The following DNAH12 variants were observed in gnomAD, a reference collection of about 807,000 sequenced individuals.
The protein encoded by DNAH12 is dynein axonemal heavy chain 12, also known as axonemal beta dynein heavy chain 12.
Under a neutral mutation model 371.5 loss-of-function variants are expected in DNAH12, and 285 were observed. The ratio of observed to expected loss-of-function variants is 0.77; its 90% CI spans 0.70 to 0.85. The LOEUF (loss-of-function observed/expected upper bound fraction) is 0.85, where lower values mean the gene tolerates loss of function less well. Ranked by LOEUF, DNAH12 falls within the 40% of genes least tolerant of loss-of-function variation. The pLI is 0.00. For synonymous variants in DNAH12, 1,200 were observed against 1,213.0 expected (o/e 0.99, Z 0.22); for missense variants, 3,611 against 3,689.4 (o/e 0.98, Z 0.55).
chr3:57,522,201 G>A (rs1285286836), intron 4 of DNAH12, among the ~76,000 whole-genome samples: 4 of 151,902 alleles, frequency 2.6e-5, no homozygotes, highest in African/African-American at 9.7e-5. Flanking sequence ...TCTAGCCTGG[G>A]CAACAGAGTG....
intron 12 of DNAH12, among the ~76,000 whole-genome samples, chr3:57,489,121 T>C (rs1467297067): frequency 6.6e-6 from 1 of 152,134 alleles, no homozygotes; most frequent in Non-Finnish European, 1.5e-5. Flanking sequence ...CCCTGAAAAG[T>C]AGGTATTACT....
In DNAH12 at chr3:57,437,136, T is replaced by A. The variant is rs1163447970; in HGVS notation, c.4546-76A>T. 7.7e-6 allele frequency: 7 copies of A among 904,850 alleles called. No individual in the cohort carries two copies. The African/African-American group carries it at 1.1e-4, about 14-fold the overall frequency. 56.1% of individuals were successfully genotyped at this position (904,850 alleles called of 1,614,324 possible). On this transcript the variant is annotated intron_variant, in intron 29 of 73. Transcript: ENST00000495027. Reference sequence around the variant, plus strand: ...ATACCTGTCTTATAAGTGTAGATTTTAAATTTACTAGTTAAAAAAAAACTA... The same window carrying A: ...ATACCTGTCTTATAAGTGTAGATTTAAAATTTACTAGTTAAAAAAAAACTA...
At chr3:57,548,589 C>G (rs1456719971), upstream of DNAH12, among the ~76,000 whole-genome samples, 2 of 151,966 alleles carry the variant, frequency 1.3e-5, no homozygotes, top group African/African-American at 4.8e-5. Flanking sequence ...ACTTGTGGGC[C>G]CAGCTACTTG....
At position 57,499,673 on chromosome 3, in the gene DNAH12, T is replaced by TATATATATATATATATACAC. The variant is rs771112538; in HGVS notation, c.1335+1647_1335+1648insGTGTATATATATATATATAT. 1.3e-4 allele frequency among the ~76,000 whole-genome samples: 6 copies of TATATATATATATATATACAC among 44,454 alleles called. No homozygotes were observed. In the East Asian group the frequency reaches 1.4e-3, roughly 10 times the overall value. 29.2% of individuals were successfully genotyped at this position (44,454 alleles called of 152,430 possible). On this transcript the variant is annotated intron_variant, in intron 11 of 73. Transcript: ENST00000495027. The stretch of plus-strand genomic sequence containing the variant: ...ATATATATATATATATATATATATA[T>TATATATATATATATATACAC]ATACTTCTTAAAAAAATTAGCCAGG...
chr3:57,335,172 T>A (rs1406880114), intron 60 of DNAH12, among the ~76,000 whole-genome samples: 1 of 152,152 alleles, frequency 6.6e-6, no homozygotes, highest in Non-Finnish European at 1.5e-5. Context: ...TGATCCCCGT[T>A]CCTCAGCAGG....
At chr3:57,420,908 C>CAAAAAAAAAAAAAAAAAAAAA (rs369971376) in intron 36 of DNAH12, among the ~76,000 whole-genome samples, 1 of 78,016 alleles carries the variant, frequency 1.3e-5, no homozygotes. Flanking sequence ...GACTCCGTCT[C>CAAAAAAAAAAAAAAAAAAAAA]AAAAAAAAAA....
At chr3:57,353,587 A>G (rs2062733777) in intron 59 of DNAH12, among the ~76,000 whole-genome samples, 1 of 152,238 alleles carries the variant, frequency 6.6e-6, no homozygotes, top group Non-Finnish European at 1.5e-5. Flanking sequence ...CAGAGTAAAC[A>G]GACAGCCTAC....
At chr3:57,339,366 T>A (rs1323390129) in intron 60 of DNAH12, among the ~76,000 whole-genome samples, 3 of 134,146 alleles carry the variant, frequency 2.2e-5, no homozygotes, top group Non-Finnish European at 4.7e-5. Context: ...CACCCAAGAA[T>A]GATCAATAAA....
At chr3:57,338,690 G>A (rs1260110954) in intron 60 of DNAH12, among the ~76,000 whole-genome samples, 8 of 141,396 alleles carry the variant, frequency 5.7e-5, no homozygotes, top group South Asian at 2.3e-4. Context: ...AGTGAGGAGC[G>A]CCTCTGCCCG....
Position 57,433,667 on chromosome 3 carries a change from T to C in DNAH12, c.4817A>G (p.Gln1606Arg), listed in dbSNP as rs775684649. 4 of 1,549,762 alleles carry C rather than the reference T, an allele frequency of 2.6e-6. No individual in the cohort carries two copies. Among genetic ancestry groups the C allele is most frequent in the Admixed American group, 3.9e-5 (2 of 50,820 alleles). Reference protein sequence around the residue: ...KSITMGQLFGQFDPVSHEWTD... With the variant: ...KSITMGQLFGRFDPVSHEWTD... ...TACCTCATGAGACACTGGGTCAAACTGTCCAAAAAGTTGGCCCATAGTAAT... is the reference window on the plus strand; with the variant it reads ...TACCTCATGAGACACTGGGTCAAACCGTCCAAAAAGTTGGCCCATAGTAAT... The change falls in exon 31 of 74, where the codon CAG becomes CGG. Residue 1606 changes from glutamine to arginine, a missense_variant. Physicochemically the swap from Gln to Arg is conservative, Grantham distance 43. Around this residue, in one of 3 missense-constraint regions of DNAH12, gnomAD observed 2,266 missense variants for 2,236.9 expected, o/e 1.01. Coordinates refer to ENST00000495027, the MANE Select transcript of DNAH12 (RefSeq NM_001366028.2).
rs1559613505 is a variant in DNAH12, at chr3:57,396,295, A to ACAAAC, written c.6949-1964_6949-1963insGTTTG. ...CTGCATCTCAAAAAAAAAAACAAAA[A>ACAAAC]AAAAAAAAAAAAAAAGAGAACCATA... is the stretch of plus-strand genomic sequence containing the variant. On this transcript the variant is annotated intron_variant, in intron 43 of 73. Transcript: ENST00000495027. Among the ~76,000 whole-genome samples, 17 of 73,356 alleles carry ACAAAC rather than the reference A, an allele frequency of 2.3e-4. 1 individual carries two copies. The South Asian group carries it at 4.2e-3, about 18-fold the overall frequency. 48.1% of individuals were successfully genotyped at this position (73,356 alleles called of 152,430 possible). A position where few individuals can be genotyped will look rare whatever the true frequency, so the allele number is the denominator to read the frequency against.
At chr3:57,299,720 C>G (rs1032061681) in intron 70 of DNAH12, among the ~76,000 whole-genome samples, 24 of 152,150 alleles carry the variant, frequency 1.6e-4, no homozygotes, top group African/African-American at 4.8e-4. Flanking sequence ...CTTTTTCTCT[C>G]ATCGTGAACC....
At position 57,293,950 on chromosome 3, in the gene DNAH12, T is replaced by C; in HGVS notation, c.11714A>G (p.Lys3905Arg). The change falls in exon 74 of 74, where the codon AAG becomes AGG. Residue 3905 changes from lysine (K) to arginine (R), a missense_variant. Lys to Arg is a conservative substitution (Grantham distance 26, BLOSUM62 2). This residue lies in a region of DNAH12 where 2,266 missense variants were observed against 2,236.9 expected (regional missense o/e 1.01). Coordinates refer to ENST00000495027, the MANE Select transcript of DNAH12 (RefSeq NM_001366028.2). ...GAGGGGACAGACATAGGCATCCGAC[T>C]TTATAATCCGAGATTTTTGAGCTTG... The part of the protein sequence containing the change: ...IKPTQKSRII[K>R]SDAYVCPLYK... 1 of 1,412,828 alleles carries C rather than the reference T, an allele frequency of 7.1e-7. No homozygotes were observed. Among genetic ancestry groups the C allele is most frequent in the Non-Finnish European group, 9.3e-7 (1 of 1,074,170 alleles). 87.5% of individuals were successfully genotyped at this position (1,412,828 alleles called of 1,614,324 possible). A position where few individuals can be genotyped will look rare whatever the true frequency, so the allele number is the denominator to read the frequency against.
chr3:57,445,330 T>A lies in DNAH12; in HGVS notation c.4269A>T (p.Arg1423Ser). 2 of 1,551,618 alleles carry A rather than the reference T, an allele frequency of 1.3e-6. No homozygotes were observed. Among genetic ancestry groups the A allele is most frequent in the South Asian group, 1.2e-5 (1 of 84,010 alleles). Residue 1423 changes from arginine (R) to serine (S), a missense_variant, in exon 28 of 74, where the codon AGA (arginine) becomes AGT (serine). By Grantham distance (110) the Arg-to-Ser change is moderately radical. Transcript: ENST00000495027. The stretch of plus-strand genomic sequence containing the variant: ...TCATTACTATTTTCACAGACAGAGG[T>A]CTTGCATTCAAAAATCCGTAAGAGT... ...SLYSYGFLNA[R>S]PLSVKIVMTY...
Position 57,403,481 on chromosome 3 carries a change from G to A in DNAH12, c.6776C>T (p.Ser2259Leu). Residue 2259 changes from serine (S) to leucine (L), a missense_variant, in exon 43 of 74, where the codon TCA becomes TTA. By Grantham distance (145) the Ser-to-Leu change is moderately radical. Around this residue, in one of 3 missense-constraint regions of DNAH12, gnomAD observed 2,266 missense variants for 2,236.9 expected, o/e 1.01. Coordinates refer to ENST00000495027, the MANE Select transcript of DNAH12 (RefSeq NM_001366028.2). ...TTGCTTTAGAACTCGACATATTCTTGATAAATGTTCCAAAACATACCTACC... is the reference window on the plus strand; with the variant it reads ...TTGCTTTAGAACTCGACATATTCTTAATAAATGTTCCAAAACATACCTACC... ...VIFRYVLEHL[S>L]RICRVLKQSG... The A allele has an allele frequency of 6.5e-7, 1 of 1,547,398 alleles. No homozygotes were observed.
At chr3:57,520,577 G>C (rs1049794980) in intron 4 of DNAH12, among the ~76,000 whole-genome samples, 1 of 151,420 alleles carries the variant, frequency 6.6e-6, no homozygotes, top group African/African-American at 2.4e-5. Context: ...CGAGTAGCTG[G>C]GACTACAGGC....
chr3:57,469,190 T>G (rs1455015482), intron 16 of DNAH12, among the ~76,000 whole-genome samples: 1 of 152,184 alleles, frequency 6.6e-6, no homozygotes, highest in East Asian at 1.9e-4. Flanking sequence ...CTAAAATATG[T>G]ATCAGATTAT....
chr3:57,316,413 G>A (rs6801961), intron 65 of DNAH12, among the ~76,000 whole-genome samples: 48,962 of 151,922 alleles, frequency 0.32, 8,735 homozygotes, highest in African/African-American at 0.46. Flanking sequence ...TAATAGTTGT[G>A]CATATTAAAC....
intron 62 of DNAH12, among the ~76,000 whole-genome samples, chr3:57,328,380 T>G (rs1257975259): frequency 3.7e-4 from 52 of 141,868 alleles, no homozygotes; most frequent in Non-Finnish European, 5.6e-4. Flanking sequence ...GTGGGCTTCA[T>G]CCCTGGGATG....
Sources: allele counts gnomAD v4.1 joint callset (sites outside exome capture counted in the v4.1 genomes callset), GRCh38; gene constraint gnomAD v4.1.1; regional missense constraint gnomAD v4.1.1; transcripts MANE v1.5; gene names NCBI Gene and HGNC (gene_info 2026-07-23, HGNC 2026-07-21).